Variants in THSD7A observed in about 807,000 individuals in gnomAD.
The protein encoded by THSD7A is thrombospondin type-1 domain-containing protein 7A.
THSD7A carries 96 observed loss-of-function variants against 231.3 expected under a neutral mutation model. That is an observed-to-expected ratio of 0.41 (90% CI 0.35 to 0.49). The LOEUF (loss-of-function observed/expected upper bound fraction) is 0.49, where lower values mean the gene tolerates loss of function less well. Ranked by LOEUF, THSD7A falls within the 20% of genes least tolerant of loss-of-function variation. The probability of loss-of-function intolerance (pLI) is 0.05; values close to 1 mark genes in which losing one functional copy is unlikely to be tolerated. For synonymous variants in THSD7A, 940 were observed against 743.3 expected (o/e 1.26, Z -4.30); for missense variants, 2,290 against 2,070.2 (o/e 1.11, Z -2.06).
chr7:11,669,284 A>C (rs1526524), intron 1 of THSD7A, among the ~76,000 whole-genome samples: 3 of 152,014 alleles, frequency 2.0e-5, no homozygotes, highest in Admixed American at 2.0e-4. Flanking sequence ...CTTAGTGTTA[A>C]AGAGACATAC....
intron 2 of THSD7A, among the ~76,000 whole-genome samples, chr7:11,628,633 T>C (rs1781550969): frequency 6.6e-6 from 1 of 152,224 alleles, no homozygotes; most frequent in Non-Finnish European, 1.5e-5. Context: ...TATAATAAAA[T>C]GTAGATCCTT....
chr7:11,791,203 A>C (rs1379521698), intron 1 of THSD7A, among the ~76,000 whole-genome samples: 1 of 151,978 alleles, frequency 6.6e-6, no homozygotes, highest in Non-Finnish European at 1.5e-5. Flanking sequence ...CATAAACGTA[A>C]TTTGAGATTA....
At chr7:11,731,223 A>G (rs1006849211) in intron 1 of THSD7A, among the ~76,000 whole-genome samples, 2 of 151,480 alleles carry the variant, frequency 1.3e-5, no homozygotes, top group Non-Finnish European at 3.0e-5. Context: ...TATTACAGAC[A>G]TTGATTATTT....
chr7:11,831,747 T>G lies in THSD7A; in HGVS notation c.190+10A>C. The G allele has an allele frequency of 6.9e-7, 1 of 1,446,512 alleles. No individual in the cohort carries two copies. Among genetic ancestry groups the G allele is most frequent in the Non-Finnish European group, 9.1e-7 (1 of 1,095,130 alleles). 89.6% of individuals were successfully genotyped at this position (1,446,512 alleles called of 1,614,324 possible). A position where few individuals can be genotyped will look rare whatever the true frequency, so the allele number is the denominator to read the frequency against. On this transcript the variant is annotated intron_variant, in intron 1 of 27. Transcript: ENST00000423059. The surrounding 1 kb of genome is among the most constrained non-coding windows in gnomAD (Gnocchi z 5.0). ...TGAAGATGGGGAAAGGGTAACTCCGTCCCACTTACCAGTCTTCCACAGATA... is the reference window on the plus strand; with the variant it reads ...TGAAGATGGGGAAAGGGTAACTCCGGCCCACTTACCAGTCTTCCACAGATA...
chr7:11,398,000 A>G (rs763010793), intron 23 of THSD7A, among the ~76,000 whole-genome samples: 1 of 147,004 alleles, frequency 6.8e-6, no homozygotes, highest in Non-Finnish European at 1.5e-5. Flanking sequence ...GGTGATTCCA[A>G]TGGTGATTCA....
intron 1 of THSD7A, among the ~76,000 whole-genome samples, chr7:11,648,346 T>A (rs1395345139): frequency 6.6e-6 from 1 of 151,954 alleles, no homozygotes; most frequent in South Asian, 2.1e-4. Context: ...TATTAAGAAA[T>A]CCCTTATGAG....
chr7:11,819,467 G>A (rs563896919), intron 1 of THSD7A, among the ~76,000 whole-genome samples: 1 of 152,142 alleles, frequency 6.6e-6, no homozygotes, highest in Non-Finnish European at 1.5e-5. Context: ...CCAAAGGATG[G>A]AATATTGTTC....
intron 6 of THSD7A, among the ~76,000 whole-genome samples, chr7:11,513,201 GTGCAGCA>G (rs1333714084): frequency 6.6e-6 from 1 of 151,486 alleles, no homozygotes; most frequent in Non-Finnish European, 1.5e-5. Flanking sequence ...AACAAATGTG[GTGCAGCA>G]TATACTGCTC....
chr7:11,434,787 A>G (rs2128291499), intron 13 of THSD7A, among the ~76,000 whole-genome samples: 1 of 152,146 alleles, frequency 6.6e-6, no homozygotes, highest in Admixed American at 6.6e-5. Flanking sequence ...TTTTGCAAAA[A>G]CTTTCCAAAC....
chr7:11,391,066 G>T (rs115649203), intron 23 of THSD7A, among the ~76,000 whole-genome samples: 1 of 152,016 alleles, frequency 6.6e-6, no homozygotes, highest in African/African-American at 2.4e-5. Context: ...GTCAGGAGAC[G>T]TGGGGTCGGG....
intron 4 of THSD7A, among the ~76,000 whole-genome samples, chr7:11,563,931 A>G (rs542076227): frequency 1.3e-5 from 2 of 152,248 alleles, no homozygotes; most frequent in South Asian, 4.1e-4. Context: ...CACAAATCAT[A>G]TTTTTAAAAA....
chr7:11,393,265 C>T (rs1052717832), intron 23 of THSD7A, among the ~76,000 whole-genome samples: 2 of 152,140 alleles, frequency 1.3e-5, no homozygotes, highest in African/African-American at 4.8e-5. Context: ...AGTGGACCTC[C>T]AGCAGACCTG....
Position 11,590,415 on chromosome 7 carries a change from A to T in THSD7A, c.1453+45T>A. On this transcript the variant is annotated intron_variant, in intron 4 of 27. Transcript: ENST00000423059. This position sits in a 1 kb window ranked among gnomAD's most constrained non-coding sequence, Gnocchi z 4.4. ...ATCCCTTCAGAGCAATCACATGCTC[A>T]GTCAGTCTTCATAAGTGAATCCTTG... The T allele has an allele frequency of 6.4e-7, 1 of 1,566,986 alleles. No individual in the cohort carries two copies. Among genetic ancestry groups the T allele is most frequent in the Non-Finnish European group, 8.7e-7 (1 of 1,154,760 alleles).
intron 6 of THSD7A, among the ~76,000 whole-genome samples, chr7:11,482,201 T>G (rs1786456058): frequency 2.6e-5 from 4 of 152,270 alleles, no homozygotes; most frequent in Admixed American, 6.5e-5. Context: ...TAAATGAGGC[T>G]TCTTTCATTA....
At chr7:11,727,008 A>G (rs1213405463) in intron 1 of THSD7A, among the ~76,000 whole-genome samples, 2 of 151,962 alleles carry the variant, frequency 1.3e-5, no homozygotes, top group East Asian at 3.9e-4. Flanking sequence ...CACCACGAAC[A>G]GGCAGCAAGA....
chr7:11,580,906 A>G (rs901835065), intron 4 of THSD7A, among the ~76,000 whole-genome samples: 1 of 152,194 alleles, frequency 6.6e-6, no homozygotes, highest in Non-Finnish European at 1.5e-5. Flanking sequence ...TTAAAATAAA[A>G]TAAAAACATA....
At chr7:11,733,691 A>T (rs1288268379) in intron 1 of THSD7A, among the ~76,000 whole-genome samples, 1 of 151,862 alleles carries the variant, frequency 6.6e-6, no homozygotes, top group African/African-American at 2.4e-5. Context: ...CACAATGTTG[A>T]CAAAAATGTG....
At chr7:11,757,306 C>G (rs1782716138) in intron 1 of THSD7A, among the ~76,000 whole-genome samples, 1 of 151,950 alleles carries the variant, frequency 6.6e-6, no homozygotes, top group Non-Finnish European at 1.5e-5. Flanking sequence ...TGACTGTAAC[C>G]AGAATGAGAT....
intron 4 of THSD7A, among the ~76,000 whole-genome samples, chr7:11,545,134 C>A (rs2128323970): frequency 6.6e-6 from 1 of 152,150 alleles, no homozygotes; most frequent in Non-Finnish European, 1.5e-5. Flanking sequence ...TACTATGTAG[C>A]AAATTAGCTG....
Sources: gnomAD v4.1 joint callset for allele counts (sites outside exome capture counted in the v4.1 genomes callset) on GRCh38, gnomAD v4.1.1 for gene constraint, Gnocchi (gnomAD v3.1) non-coding constraint, MANE v1.5 for transcripts, NCBI Gene and HGNC (gene_info 2026-07-23, HGNC 2026-07-21) for gene names.